PREX2: variants seen among roughly 807,000 people sequenced by gnomAD.
PREX2 encodes phosphatidylinositol-3,4,5-trisphosphate dependent Rac exchange factor 2, also known as phosphatidylinositol 3,4,5-trisphosphate-dependent Rac exchanger 2 protein.
A neutral mutation model predicts 203.2 loss-of-function variants in PREX2; 107 were observed. The observed-to-expected ratio is 0.53, with a 90% CI of 0.45 to 0.62. The LOEUF is 0.62. Among genes scored for constraint, PREX2 ranks in the 20% least tolerant of loss-of-function variants. The pLI is 0.00. For missense variants in PREX2, 1,777 were observed against 1,955.9 expected (o/e 0.91, Z 1.72); for synonymous variants, 672 against 663.6 (o/e 1.01, Z -0.19).
In PREX2 at chr8:68,015,822, A is replaced by G. The variant is rs540952924; in HGVS notation, c.142-2024A>G. On this transcript the variant is annotated intron_variant, in intron 1 of 39. Coordinates refer to ENST00000288368, the MANE Select transcript of PREX2 (RefSeq NM_024870.4). Reference sequence around the variant, plus strand: ...ATACTAATAAATTGAGTACTTAAAAAGTTAGAAAATTCTAATTTTTTTCAC... The same window carrying G: ...ATACTAATAAATTGAGTACTTAAAAGGTTAGAAAATTCTAATTTTTTTCAC... Among the ~76,000 whole-genome samples, 18 of 152,354 alleles carry G rather than the reference A, an allele frequency of 1.2e-4. No homozygotes were observed. The South Asian group carries it at 3.7e-3, about 32-fold the overall frequency.
intron 11 of PREX2, among the ~76,000 whole-genome samples, chr8:68,068,112 G>T (rs1585754765): frequency 6.6e-6 from 1 of 151,980 alleles, no homozygotes; most frequent in South Asian, 2.1e-4. Flanking sequence ...AACTTGATTT[G>T]GTAGTATTTT....
intron 32 of PREX2, among the ~76,000 whole-genome samples, chr8:68,136,639 T>C (rs925430084): frequency 3.9e-5 from 6 of 152,216 alleles, no homozygotes; most frequent in African/African-American, 1.2e-4. Flanking sequence ...TCTAGGGTCA[T>C]GACATTTTTT....
intron 13 of PREX2, among the ~76,000 whole-genome samples, chr8:68,071,615 T>C (rs1809197174): frequency 6.6e-6 from 1 of 152,204 alleles, no homozygotes; most frequent in African/African-American, 2.4e-5. Flanking sequence ...TATTCAGTTC[T>C]GATCATGAAA....
chr8:68,222,230 G>T (rs1585874116), intron 38 of PREX2, among the ~76,000 whole-genome samples: 1 of 152,066 alleles, frequency 6.6e-6, no homozygotes, highest in Non-Finnish European at 1.5e-5. Context: ...TCCAAATCCT[G>T]GCTTCTAAAT....
intron 2 of PREX2, 72 bp from the exon 3 acceptor site, chr8:68,019,477 A>AAT (rs1329162191): frequency 8.2e-7 from 1 of 1,225,498 alleles, no homozygotes; most frequent in African/African-American, 1.5e-5. Context: ...TTGGAGAGAG[A>AAT]ATACTATGCT....
chr8:68,044,457 A>C (rs764259622), intron 7 of PREX2, 30 bp from the exon 8 acceptor site: 2 of 1,480,616 alleles, frequency 1.4e-6, no homozygotes, highest in South Asian at 1.1e-5. Flanking sequence ...GTTTAGTAAC[A>C]AAGTCTTTGT....
chr8:68,224,616 T>A lies in PREX2; in HGVS notation c.4765T>A (p.Ser1589Thr), dbSNP rs1460692059. ...NLGVRDRTPQ[S>T]APRLYKLCEP... is the part of the protein sequence containing the mutation. ...GGGAGTCAGAGACCGGACTCCACAG[T>A]CTGCACCAAGGTAAGTGCATCCCCT... The change falls in exon 39 of 40, where the codon TCT (serine) becomes ACT (threonine). Residue 1589 changes from serine to threonine, a missense_variant. Transcript: ENST00000288368. The A allele has an allele frequency of 1.2e-6, 2 of 1,613,230 alleles. No homozygotes were observed. The highest frequency in any genetic ancestry group is 1.7e-6 in the Non-Finnish European group (2 of 1,179,572).
At chr8:68,149,543 C>G (rs1000467837) in intron 34 of PREX2, among the ~76,000 whole-genome samples, 5 of 152,186 alleles carry the variant, frequency 3.3e-5, no homozygotes, top group African/African-American at 1.2e-4. Context: ...TGGGATCCCT[C>G]AGCCCTTGGT....
chr8:68,032,010 T>C (rs572676811), intron 6 of PREX2, among the ~76,000 whole-genome samples: 23 of 152,286 alleles, frequency 1.5e-4, no homozygotes, highest in African/African-American at 5.1e-4. Context: ...ATCCTAAAAA[T>C]TGAGTGTACT....
intron 1 of PREX2, among the ~76,000 whole-genome samples, chr8:67,986,165 A>C (rs940535186): frequency 6.6e-6 from 1 of 152,204 alleles, no homozygotes; most frequent in Non-Finnish European, 1.5e-5. Flanking sequence ...TGGGATAACC[A>C]GGTTATATTG....
chr8:68,233,657 G>T lies in PREX2; in HGVS notation c.*2279G>T, dbSNP rs945643581. On this transcript the variant is annotated 3_prime_UTR_variant, in exon 40 of 40. Coordinates refer to ENST00000288368, the MANE Select transcript of PREX2 (RefSeq NM_024870.4). ...CCAAATGCTTTGCCTGTATTCTGTTGTTATTGCTTCACTTAATCCTCATAA... is the reference window on the plus strand; with the variant it reads ...CCAAATGCTTTGCCTGTATTCTGTTTTTATTGCTTCACTTAATCCTCATAA... The T allele has an allele frequency of 2.0e-5, 3 of 152,124 alleles. No individual in the cohort carries two copies. Among genetic ancestry groups the T allele is most frequent in the Non-Finnish European group, 4.4e-5 (3 of 68,016 alleles). 9.4% of individuals were successfully genotyped at this position (152,124 alleles called of 1,614,324 possible).
chr8:68,230,809 G>A (rs1813153537), intron 39 of PREX2, among the ~76,000 whole-genome samples: 1 of 152,122 alleles, frequency 6.6e-6, no homozygotes, highest in Admixed American at 6.6e-5. Flanking sequence ...CTAGCCAATT[G>A]TGCCTTTGAG....
intron 6 of PREX2, among the ~76,000 whole-genome samples, chr8:68,035,102 A>AATCT (rs1271120276): frequency 2.0e-5 from 3 of 152,160 alleles, no homozygotes; most frequent in Admixed American, 2.0e-4. Flanking sequence ...TTATAATTTT[A>AATCT]GTTAATAGTT....
intron 1 of PREX2, among the ~76,000 whole-genome samples, chr8:67,966,038 A>G (rs1459733575): frequency 6.6e-6 from 1 of 152,126 alleles, no homozygotes; most frequent in African/African-American, 2.4e-5. Context: ...AAAAATTTCT[A>G]CTTATGGTTT....
At chr8:68,000,628 C>T (rs1388722312) in intron 1 of PREX2, among the ~76,000 whole-genome samples, 1 of 152,170 alleles carries the variant, frequency 6.6e-6, no homozygotes, top group East Asian at 1.9e-4. Flanking sequence ...AAAAAACAAG[C>T]TTGAATAGCC....
chr8:68,210,342 CA>C (rs1812719514), intron 37 of PREX2, among the ~76,000 whole-genome samples: 1 of 152,104 alleles, frequency 6.6e-6, no homozygotes. Flanking sequence ...CCTAGATTTT[CA>C]TGTGTTTTAT....
intron 33 of PREX2, 35 bp downstream of exon 33, chr8:68,138,552 A>G: frequency 1.9e-6 from 2 of 1,028,862 alleles, no homozygotes; most frequent in Non-Finnish European, 1.5e-6. Context: ...TTTATTTGGC[A>G]TCAAATAATT....
chr8:68,071,262 C>G (rs1255720332), intron 13 of PREX2, among the ~76,000 whole-genome samples: 3 of 151,894 alleles, frequency 2.0e-5, no homozygotes, highest in African/African-American at 7.3e-5. Flanking sequence ...GGGAAAAAAC[C>G]ATAAAACAGA....
chr8:67,952,695 G>A, intron 1 of PREX2, 160 bp downstream of exon 1: 1 of 1,007,508 alleles, frequency 9.9e-7, no homozygotes, highest in Non-Finnish European at 1.5e-6. Flanking sequence ...GCGTTCGCGG[G>A]CGCGGTGACC....
Sources: gnomAD v4.1 joint callset for allele counts (sites outside exome capture counted in the v4.1 genomes callset) on GRCh38, gnomAD v4.1.1 for gene constraint, MANE v1.5 for transcripts, NCBI Gene and HGNC (gene_info 2026-07-23, HGNC 2026-07-21) for gene names.